ZNF28: variants seen among roughly 807,000 people sequenced by gnomAD.
ZNF28 encodes the protein zinc finger protein KOX24.
ZNF28 carries 5 observed loss-of-function variants against 7.2 expected under a neutral mutation model. The ratio of observed to expected loss-of-function variants is 0.70; its 90% CI spans 0.36 to 1.46. The LOEUF is 1.46. Among genes scored for constraint, ZNF28 ranks in the 40% most tolerant of loss-of-function variants. ZNF28 has a pLI of 0.03. For synonymous variants in ZNF28, 288 were observed against 292.4 expected (o/e 0.99, Z 0.15); for missense variants, 879 against 866.6 (o/e 1.01, Z -0.18).
intron 2 of ZNF28, among the ~76,000 whole-genome samples, chr19:52,808,412 C>T (rs746786417): frequency 2.0e-4 from 31 of 152,102 alleles, no homozygotes; most frequent in Non-Finnish European, 3.5e-4. Context: ...TATAGACACA[C>T]CAAGTGACAT....
rs751409781 is a variant in ZNF28, at chr19:52,808,108, G to T, written c.41C>A (p.Ala14Asp). The change falls in exon 3 of 4, where the codon GCC (alanine) becomes GAC (aspartate). Residue 14 changes from alanine to aspartate, a missense_variant. Physicochemically the swap from Ala to Asp is moderately radical, Grantham distance 126. Transcript: ENST00000457749. Reference sequence around the variant, plus strand: ...CCACTCCTCCTGAGAGAATTCTATGGCCACGTCCCTGAATGTCAATAGACC... The same window carrying T: ...CCACTCCTCCTGAGAGAATTCTATGTCCACGTCCCTGAATGTCAATAGACC... ...PQGLLTFRDV[A>D]IEFSQEEWKC... 4.1e-5 allele frequency: 66 copies of T among 1,613,306 alleles called. No homozygotes were observed. The highest frequency in any genetic ancestry group is 5.6e-5 in the Non-Finnish European group (66 of 1,179,438).
At chr19:52,805,561 A>T (rs550158640) in intron 3 of ZNF28, 1 of 152,082 alleles carries the variant, frequency 6.6e-6, no homozygotes, top group South Asian at 2.1e-4. Flanking sequence ...CAGAAGGTGG[A>T]GGTTGCAGTG....
At position 52,800,963 on chromosome 19, in the gene ZNF28, A is replaced by G; in HGVS notation, c.882T>C (p.Thr294=). The G allele has an allele frequency of 6.2e-7, 1 of 1,614,180 alleles. No individual in the cohort carries two copies. Among genetic ancestry groups the G allele is most frequent in the Non-Finnish European group, 8.5e-7 (1 of 1,180,030 alleles). The part of the protein sequence containing the change: ...TSLFLHKALH[T]ADKPYECEEC... ...CTTCACATTCATAAGGTTTGTCTGC[A>G]GTATGAAGCGCCTTGTGAAGGAAGA... Residue 294 remains threonine, a synonymous_variant, in exon 4 of 4, where the codon ACT becomes ACC. Transcript: ENST00000457749.
chr19:52,807,901 A>C (rs1035458749), intron 3 of ZNF28, 106 bp downstream of exon 3: 16 of 1,548,888 alleles, frequency 1.0e-5, no homozygotes, highest in Non-Finnish European at 1.4e-5. Flanking sequence ...TTCATTTCAA[A>C]ATCAATACGG....
At chr19:52,809,475 T>TGAGGGTG (rs1200266956) in intron 2 of ZNF28, among the ~76,000 whole-genome samples, 2 of 152,032 alleles carry the variant, frequency 1.3e-5, no homozygotes, top group African/African-American at 4.8e-5. Flanking sequence ...GGCGTCTACT[T>TGAGGGTG]GAGGGTGGAG....
intron 3 of ZNF28, 33 bp from the exon 4 acceptor site, chr19:52,801,735 G>T (rs760794709): frequency 1.9e-6 from 3 of 1,580,138 alleles, no homozygotes; most frequent in Admixed American, 3.5e-5. Flanking sequence ...GGTTTCCAAT[G>T]AAGTACAGAT....
At position 52,819,509 on chromosome 19, in the gene ZNF28, A is replaced by G. The variant is rs1240821545; in HGVS notation, c.-73-1478T>C. ...ACCCAGACACCCACTCTATTTTGCC[A>G]ATCATTTCAGTGGCCAGGGTCACTC... On this transcript the variant is annotated intron_variant, in intron 1 of 3. Coordinates refer to ENST00000457749, the MANE Select transcript of ZNF28 (RefSeq NM_006969.5). Among the ~76,000 whole-genome samples the G allele has an allele frequency of 1.9e-4, 15 of 77,994 alleles. 5 individuals carry two copies. The highest frequency in any genetic ancestry group is 7.1e-4 in the African/African-American group (15 of 21,104). The allele number at this position is 77,994 out of a possible 152,430, so 51.2% of individuals were successfully genotyped here. A position where few individuals can be genotyped will look rare whatever the true frequency, so the allele number is the denominator to read the frequency against.
intron 1 of ZNF28, among the ~76,000 whole-genome samples, chr19:52,820,723 C>T (rs548965404): frequency 1.2e-3 from 190 of 152,314 alleles, no homozygotes; most frequent in African/African-American, 4.5e-3. Flanking sequence ...TGTCCTTCAT[C>T]TCTCTGTACA....
chr19:52,817,496 T>C (rs112133992), intron 2 of ZNF28, among the ~76,000 whole-genome samples: 8,507 of 152,206 alleles, frequency 0.056, 323 homozygotes, highest in African/African-American at 0.11. Context: ...CCTAAAAATG[T>C]GGTATAAAAT....
At chr19:52,803,330 C>T (rs2062897521) in intron 3 of ZNF28, among the ~76,000 whole-genome samples, 1 of 152,060 alleles carries the variant, frequency 6.6e-6, no homozygotes, top group Admixed American at 6.6e-5. Flanking sequence ...ATCCACACAT[C>T]TCAGCCTCCC....
chr19:52,801,713 TA>T lies in ZNF28; in HGVS notation c.143-12del, dbSNP rs1396743279. On this transcript the variant is annotated splice_polypyrimidine_tract_variant and intron_variant, in intron 3 of 3. Transcript: ENST00000457749. Reference sequence around the variant, plus strand: ...ATTTGGAAGAGATATCTACAAAATATAAACACCAATAGGTTTCCAATGAAGT... The same window carrying T: ...ATTTGGAAGAGATATCTACAAAATATAACACCAATAGGTTTCCAATGAAGT... 3.7e-6 allele frequency: 6 copies of T among 1,606,606 alleles called. No individual in the cohort carries two copies. The African/African-American group carries it at 6.7e-5, about 18-fold the overall frequency.
intron 2 of ZNF28, among the ~76,000 whole-genome samples, chr19:52,813,323 T>C (rs1426881124): frequency 2.1e-5 from 3 of 141,928 alleles, no homozygotes; most frequent in Non-Finnish European, 4.6e-5. Flanking sequence ...AGGAGGGACC[T>C]GTTTTGGGGA....
chr19:52,801,055 A>C lies in ZNF28; in HGVS notation c.790T>G (p.Ser264Ala), dbSNP rs2062862330. Residue 264 changes from serine to alanine, a missense_variant, in exon 4 of 4, where the codon TCT (serine) becomes GCT (alanine). Physicochemically the swap from Ser to Ala is moderately conservative, Grantham distance 99 (BLOSUM62 1). This residue lies in a region of ZNF28 where 864 missense variants were observed against 830.2 expected (regional missense o/e 1.04). Coordinates refer to ENST00000457749, the MANE Select transcript of ZNF28 (RefSeq NM_006969.5). ...TTGTAAGGTTTCTCATCAATGTGAG[A>C]TCTACGATGGCATGCAAGGTATCGC... is the stretch of plus-strand genomic sequence containing the variant. ...QKRYLACHRR[S>A]HIDEKPYKCN... The C allele has an allele frequency of 2.5e-6, 4 of 1,614,016 alleles. No homozygotes were observed. The highest frequency in any genetic ancestry group is 3.4e-6 in the Non-Finnish European group (4 of 1,179,994).
chr19:52,809,874 G>A (rs981632153), intron 2 of ZNF28: 9 of 690,656 alleles, frequency 1.3e-5, no homozygotes, highest in Admixed American at 4.9e-5. Flanking sequence ...GCCTGCGGGC[G>A]GTCCGGGATC....
chr19:52,816,834 AAATAATAATAAT>A (rs34015590), intron 2 of ZNF28, among the ~76,000 whole-genome samples: 1,763 of 138,416 alleles, frequency 0.013, 25 homozygotes, highest in Non-Finnish European at 0.018. Context: ...CCGTTTCAGA[AAATAATAATAAT>A]AATAATAATA....
Position 52,799,126 on chromosome 19 carries a change from TATG to T in ZNF28, c.*559_*561del, listed in dbSNP as rs2062830102. 2 of 411,250 alleles carry T rather than the reference TATG, an allele frequency of 4.9e-6. No individual in the cohort carries two copies. Among genetic ancestry groups the T allele is most frequent in the African/African-American group, 4.1e-5 (2 of 48,322 alleles). The allele number at this position is 411,250 out of a possible 1,614,324, so 25.5% of individuals were successfully genotyped here. ...TAAGATTTCTCTGCAGTATGAAGAC[TATG>T]ATGACTTGCAAGGTGTGACTGTTGA... On this transcript the variant is annotated 3_prime_UTR_variant, in exon 4 of 4. Coordinates refer to ENST00000457749, the MANE Select transcript of ZNF28 (RefSeq NM_006969.5).
At chr19:52,817,504 A>T (rs189930799) in intron 2 of ZNF28, among the ~76,000 whole-genome samples, 124 of 152,282 alleles carry the variant, frequency 8.1e-4, no homozygotes, top group Non-Finnish European at 1.4e-3. Flanking sequence ...TGTGGTATAA[A>T]ATCAGGGAGA....
In ZNF28 at chr19:52,799,168, C is replaced by T; in HGVS notation, c.*520G>A. 2 of 409,794 alleles carry T rather than the reference C, an allele frequency of 4.9e-6. No homozygotes were observed. The highest frequency in any genetic ancestry group is 4.7e-6 in the Non-Finnish European group (1 of 211,686). 25.4% of individuals were successfully genotyped at this position (409,794 alleles called of 1,614,324 possible). On this transcript the variant is annotated 3_prime_UTR_variant, in exon 4 of 4. Transcript: ENST00000457749. The stretch of plus-strand genomic sequence containing the variant: ...TGTGACTGTTGATTAAAAACTATGC[C>T]ACATTCATTACACTTGTAGGGTTTC...
chr19:52,809,675 G>A (rs2062987693), intron 2 of ZNF28: 1 of 357,086 alleles, frequency 2.8e-6, no homozygotes, highest in African/African-American at 2.2e-5. Context: ...ACGTGGTGTT[G>A]GCTGCCTGTA....
Sources: gnomAD v4.1 joint callset for allele counts (sites outside exome capture counted in the v4.1 genomes callset) on GRCh38, gnomAD v4.1.1 for gene constraint, gnomAD v4.1.1 regional missense constraint, MANE v1.5 for transcripts, NCBI Gene and HGNC (gene_info 2026-07-23, HGNC 2026-07-21) for gene names.